Variants in USP46 observed in about 807,000 individuals in gnomAD.
The protein encoded by USP46 is ubiquitin specific peptidase 46.
A neutral mutation model predicts 44.4 loss-of-function variants in USP46; 12 were observed. The ratio of observed to expected loss-of-function variants is 0.27; its 90% CI spans 0.17 to 0.44. The LOEUF (loss-of-function observed/expected upper bound fraction) is 0.44. Ranked by LOEUF, USP46 falls within the 20% of genes least tolerant of loss-of-function variation. The pLI is 1.00. For missense variants in USP46, 248 were observed against 444.8 expected (o/e 0.56, Z 3.98); for synonymous variants, 155 against 161.5 (o/e 0.96, Z 0.31).
At chr4:52,605,526 T>C (rs1410465334) in intron 5 of USP46, among the ~76,000 whole-genome samples, 1 of 152,176 alleles carries the variant, frequency 6.6e-6, no homozygotes, top group Admixed American at 6.5e-5. Context: ...TTATTTAAAA[T>C]GTGTTAAATG....
chr4:52,655,618 C>T (rs1295161088), intron 1 of USP46, among the ~76,000 whole-genome samples: 1 of 152,128 alleles, frequency 6.6e-6, no homozygotes, highest in Non-Finnish European at 1.5e-5. Context: ...AAGTTAAATC[C>T]ATTGGTCTGG....
At chr4:52,624,111 G>T (rs1049839373) in intron 4 of USP46, among the ~76,000 whole-genome samples, 1 of 151,824 alleles carries the variant, frequency 6.6e-6, no homozygotes, top group Non-Finnish European at 1.5e-5. Context: ...GGGTTGGGGG[G>T]TTGGCGGGGA....
chr4:52,632,101 C>T (rs1244979145), intron 1 of USP46, among the ~76,000 whole-genome samples: 1 of 151,968 alleles, frequency 6.6e-6, no homozygotes, highest in African/African-American at 2.4e-5. Context: ...TACTACTATC[C>T]CCATTGCACG....
At position 52,595,499 on chromosome 4, in the gene USP46, A is replaced by G. The variant is rs1043788789; in HGVS notation, c.*2141T>C. 1.3e-5 allele frequency: 2 copies of G among 152,310 alleles called. No individual in the cohort carries two copies. The highest frequency in any genetic ancestry group is 4.8e-5 in the African/African-American group (2 of 41,442). The allele number at this position is 152,310 out of a possible 1,614,324, so 9.4% of individuals were successfully genotyped here. On this transcript the variant is annotated 3_prime_UTR_variant, in exon 9 of 9. Coordinates refer to ENST00000441222, the MANE Select transcript of USP46 (RefSeq NM_022832.4). ...TTATACTTACCCTTTTTCGTTCCAA[A>G]AATCTATCCATGAATGCTGAATTTT...
At chr4:52,600,988 C>T (rs1716447814) in intron 7 of USP46, among the ~76,000 whole-genome samples, 1 of 152,308 alleles carries the variant, frequency 6.6e-6, no homozygotes. Flanking sequence ...TGAAGTTATA[C>T]AGTTTCTGAT....
chr4:52,651,617 T>A (rs1033279655), intron 1 of USP46, among the ~76,000 whole-genome samples: 1 of 152,170 alleles, frequency 6.6e-6, no homozygotes, highest in South Asian at 2.1e-4. Flanking sequence ...GTACCTAACC[T>A]GAAGGACAGA....
At chr4:52,628,483 G>A in intron 2 of USP46, 1 of 227,182 alleles carries the variant, frequency 4.4e-6, no homozygotes, top group Admixed American at 5.1e-5. Context: ...AAAGAGAAGG[G>A]GAAAAAAATC....
rs138104710 is a variant in USP46 at position 52,594,294 on chromosome 4, A to G, written c.*3346T>C. On this transcript the variant is annotated 3_prime_UTR_variant, in exon 9 of 9. Transcript: ENST00000441222. ...AGTGCTTGAATTGGTTACATTTTAA[A>G]AAATTAAGGTACAGATTATTTTAAA... The G allele has an allele frequency of 2.0e-5, 3 of 152,344 alleles. No individual in the cohort carries two copies. The highest frequency in any genetic ancestry group is 7.2e-5 in the African/African-American group (3 of 41,592). The allele number at this position is 152,344 out of a possible 1,614,324, so 9.4% of individuals were successfully genotyped here.
rs1224259735 is a variant in USP46, at chr4:52,593,678, T to A, written c.*3962A>T. On this transcript the variant is annotated 3_prime_UTR_variant, in exon 9 of 9. Transcript: ENST00000441222. Reference sequence around the variant, plus strand: ...ATTTCTGAAGCTGGGGGGTCCCCCATGGCTCAGAAACAGGCCCAGAAGTCA... The same window carrying A: ...ATTTCTGAAGCTGGGGGGTCCCCCAAGGCTCAGAAACAGGCCCAGAAGTCA... 1 of 152,262 alleles carries A rather than the reference T, an allele frequency of 6.6e-6. No homozygotes were observed. Among genetic ancestry groups the A allele is most frequent in the Non-Finnish European group, 1.5e-5 (1 of 68,060 alleles). The allele number at this position is 152,262 out of a possible 1,614,324, so 9.4% of individuals were successfully genotyped here.
At chr4:52,610,658 T>C (rs374129014) in intron 4 of USP46, 41 bp from the exon 5 acceptor site, 1 of 1,589,000 alleles carries the variant, frequency 6.3e-7, no homozygotes, top group Non-Finnish European at 8.6e-7. Flanking sequence ...GCATGAAATA[T>C]GTAGTAGATA....
Position 52,592,929 on chromosome 4 carries a change from G to T in USP46, c.*4711C>A, listed in dbSNP as rs1172710959. 1.0e-5 allele frequency: 4 copies of T among 398,176 alleles called. No homozygotes were observed. The highest frequency in any genetic ancestry group is 1.3e-5 in the Non-Finnish European group (3 of 226,140). 24.7% of individuals were successfully genotyped at this position (398,176 alleles called of 1,614,324 possible). On this transcript the variant is annotated 3_prime_UTR_variant, in exon 9 of 9. Coordinates refer to ENST00000441222, the MANE Select transcript of USP46 (RefSeq NM_022832.4). ...TGTAAGATGGGCTTGCTTTCCCTTT[G>T]CCTTCTGCTGATTGTAAGTTTCCTG...
At chr4:52,619,822 G>T (rs1196289569) in intron 4 of USP46, among the ~76,000 whole-genome samples, 1 of 152,172 alleles carries the variant, frequency 6.6e-6, no homozygotes, top group Non-Finnish European at 1.5e-5. Flanking sequence ...AGAAAAAAAA[G>T]ATTAAATGAC....
At chr4:52,625,185 T>C (rs1343994588) in intron 4 of USP46, among the ~76,000 whole-genome samples, 3 of 152,188 alleles carry the variant, frequency 2.0e-5, no homozygotes, top group African/African-American at 7.2e-5. Context: ...CTACTTGCCA[T>C]GTGCCAAGCA....
chr4:52,630,490 C>T (rs1367019707), intron 2 of USP46, among the ~76,000 whole-genome samples: 1 of 152,190 alleles, frequency 6.6e-6, no homozygotes, highest in Non-Finnish European at 1.5e-5. Context: ...TGCAGTGGCT[C>T]ACACCTGTAA....
At chr4:52,630,960 T>A in intron 2 of USP46, 104 bp downstream of exon 2, 1 of 938,918 alleles carries the variant, frequency 1.1e-6, no homozygotes, top group Non-Finnish European at 1.7e-6. Flanking sequence ...CTACGGAGCA[T>A]GACCAATCAT....
intron 1 of USP46, among the ~76,000 whole-genome samples, chr4:52,634,339 T>C (rs1164723780): frequency 1.3e-5 from 2 of 149,564 alleles, no homozygotes; most frequent in African/African-American, 2.4e-5. Context: ...TAAAACCCTG[T>C]CTCTACTAAA....
At chr4:52,644,765 A>G (rs1483919234) in intron 1 of USP46, among the ~76,000 whole-genome samples, 1 of 151,194 alleles carries the variant, frequency 6.6e-6, no homozygotes, top group Admixed American at 6.6e-5. Context: ...AAAACCTCTG[A>G]AAAAAACCTT....
chr4:52,630,035 G>A (rs536986884), intron 2 of USP46, among the ~76,000 whole-genome samples: 7 of 152,274 alleles, frequency 4.6e-5, no homozygotes, highest in African/African-American at 9.6e-5. Flanking sequence ...GACAGACTAC[G>A]TTCAGCATAA....
intron 1 of USP46, among the ~76,000 whole-genome samples, chr4:52,633,520 T>C (rs1717994542): frequency 6.6e-6 from 1 of 152,214 alleles, no homozygotes; most frequent in South Asian, 2.1e-4. Context: ...AATAAAGTTA[T>C]ATCTCAAGCA....
Sources: allele counts gnomAD v4.1 joint callset (sites outside exome capture counted in the v4.1 genomes callset), GRCh38; gene constraint gnomAD v4.1.1; transcripts MANE v1.5; gene names NCBI Gene and HGNC (gene_info 2026-07-23, HGNC 2026-07-21).